Variants in SYNPO2 observed in about 807,000 individuals in gnomAD.
SYNPO2 encodes the protein synaptopodin 2, also known as synaptopodin-2.
SYNPO2 carries 56 observed loss-of-function variants against 85.0 expected under a neutral mutation model. The ratio of observed to expected loss-of-function variants is 0.66; its 90% CI spans 0.53 to 0.82. SYNPO2 has a LOEUF of 0.82. SYNPO2 is among the 40% of genes least tolerant of loss of function. The pLI, the probability that SYNPO2 is intolerant of heterozygous loss-of-function variation, is 0.00. For missense variants in SYNPO2, 1,575 were observed against 1,534.2 expected (o/e 1.03, Z -0.44); for synonymous variants, 602 against 591.1 (o/e 1.02, Z -0.27).
intron 1 of SYNPO2, among the ~76,000 whole-genome samples, chr4:118,890,862 G>C (rs1732354301): frequency 6.6e-6 from 1 of 152,034 alleles, no homozygotes; most frequent in African/African-American, 2.4e-5. Context: ...CTACGATCCT[G>C]ATAGTGTACA....
chr4:119,023,628 G>C (rs750659679), intron 2 of SYNPO2, 47 bp downstream of exon 2: 3 of 1,579,574 alleles, frequency 1.9e-6, no homozygotes, highest in Non-Finnish European at 2.6e-6. Flanking sequence ...AAGCTACATG[G>C]GAATGATTAT....
At chr4:118,921,177 T>C (rs745735657) in intron 1 of SYNPO2, among the ~76,000 whole-genome samples, 4 of 152,090 alleles carry the variant, frequency 2.6e-5, no homozygotes, top group Non-Finnish European at 5.9e-5. Flanking sequence ...AAAGTGCTGA[T>C]ATCACAGGTG....
In SYNPO2 at chr4:118,930,967, C is replaced by A. The variant is rs995432534; in HGVS notation, c.105+41826C>A. 4.0e-5 allele frequency among the ~76,000 whole-genome samples: 6 copies of A among 151,118 alleles called. No individual in the cohort carries two copies. In the South Asian group the frequency reaches 1.3e-3, roughly 32 times the overall value. ...AAGTATCTTGAGGAGAGGGAAATATCTCACTTGTGAATTCTTTACCCACAG... is the reference window on the plus strand; with the variant it reads ...AAGTATCTTGAGGAGAGGGAAATATATCACTTGTGAATTCTTTACCCACAG... On this transcript the variant is annotated intron_variant, in intron 1 of 4. Transcript: ENST00000307142.
upstream of SYNPO2, among the ~76,000 whole-genome samples, chr4:118,886,441 C>A (rs971968557): frequency 3.3e-5 from 5 of 152,226 alleles, no homozygotes; most frequent in African/African-American, 1.2e-4. Context: ...TGTGATGTTT[C>A]CCTCCCTGTG....
At chr4:118,853,829 A>G (rs1345610998) in intron 1 of SYNPO2, among the ~76,000 whole-genome samples, 2 of 152,190 alleles carry the variant, frequency 1.3e-5, no homozygotes, top group Non-Finnish European at 2.9e-5. Context: ...TAGCAGTGTC[A>G]TGGGGAAATG....
intron 1 of SYNPO2, among the ~76,000 whole-genome samples, chr4:118,940,134 C>T (rs912197277): frequency 6.6e-6 from 1 of 151,834 alleles, no homozygotes; most frequent in Non-Finnish European, 1.5e-5. Flanking sequence ...CACAGGTACA[C>T]GCCACCAAGC....
chr4:118,973,777 G>A (rs1735626324), intron 1 of SYNPO2, among the ~76,000 whole-genome samples: 1 of 151,872 alleles, frequency 6.6e-6, no homozygotes, highest in Admixed American at 6.6e-5. Flanking sequence ...ATTAGTATCA[G>A]AACTAAAAGA....
chr4:119,003,311 T>A (rs1468492676), intron 1 of SYNPO2, among the ~76,000 whole-genome samples: 1 of 151,996 alleles, frequency 6.6e-6, no homozygotes, highest in African/African-American at 2.4e-5. Context: ...AACCATCAGA[T>A]CTCATGAGAA....
At chr4:118,894,097 A>T (rs1020169558) in intron 1 of SYNPO2, among the ~76,000 whole-genome samples, 1 of 151,534 alleles carries the variant, frequency 6.6e-6, no homozygotes, top group Non-Finnish European at 1.5e-5. Context: ...CAATCATCTA[A>T]GATTCTTTAC....
At chr4:118,890,733 C>CTCTCTCTGTGTGTGTG (rs749295331) in intron 1 of SYNPO2, among the ~76,000 whole-genome samples, 1 of 126,150 alleles carries the variant, frequency 7.9e-6, no homozygotes, top group African/African-American at 3.0e-5. Flanking sequence ...CTCTCTCTCT[C>CTCTCTCTGTGTGTGTG]TGTGTGTGTG....
chr4:118,876,518 G>A (rs981356117), intron 1 of SYNPO2, among the ~76,000 whole-genome samples: 1 of 152,092 alleles, frequency 6.6e-6, no homozygotes. Context: ...TGCCAAGGAG[G>A]CATCTTTCCT....
At chr4:118,856,750 G>A (rs547638382) in intron 1 of SYNPO2, among the ~76,000 whole-genome samples, 5 of 152,022 alleles carry the variant, frequency 3.3e-5, no homozygotes, top group African/African-American at 4.8e-5. Flanking sequence ...GGGCTCAAGC[G>A]ATCTGCTTGC....
rs1309259362 is a variant in SYNPO2 at position 119,030,528 on chromosome 4, A to G, written c.1753A>G (p.Met585Val). The stretch of plus-strand genomic sequence containing the variant: ...AGCAAACATCCAGAGGATGGTCCCC[A>G]TGAATAGAACGGCCAAACCCTTCCC... ...ETANIQRMVP[M>V]NRTAKPFPGS... The change falls in exon 4 of 5, where the codon ATG (methionine) becomes GTG (valine). Residue 585 changes from methionine to valine, a missense_variant. By Grantham distance (21) the Met-to-Val change is conservative. Around this residue, in one of 3 missense-constraint regions of SYNPO2, gnomAD observed 1,508 missense variants for 1,446.8 expected, o/e 1.04. Coordinates refer to ENST00000307142, the MANE Select transcript of SYNPO2 (RefSeq NM_133477.3). 6.8e-6 allele frequency: 11 copies of G among 1,614,074 alleles called. No homozygotes were observed. In the East Asian group the frequency reaches 1.3e-4, roughly 20 times the overall value.
chr4:119,023,757 C>T (rs1304547306), intron 2 of SYNPO2, among the ~76,000 whole-genome samples, 176 bp downstream of exon 2: 1 of 152,114 alleles, frequency 6.6e-6, no homozygotes, highest in Non-Finnish European at 1.5e-5. Context: ...TCTAGTCAAC[C>T]AAACTTTCTG....
In SYNPO2 at chr4:119,026,606, G is replaced by GAT. The variant is rs757805899; in HGVS notation, c.258-20_258-19insTA. On this transcript the variant is annotated intron_variant, in intron 2 of 4. Coordinates refer to ENST00000307142, the MANE Select transcript of SYNPO2 (RefSeq NM_133477.3). ...TAACATAGTCTGATTTAAGTGTCTG[G>GAT]AATGATTTTTCTGTGTGCAGACCAT... 3.2e-6 allele frequency: 5 copies of GAT among 1,561,488 alleles called. No homozygotes were observed. The Admixed American group carries it at 7.7e-5, about 24-fold the overall frequency.
chr4:118,902,109 A>G (rs1241750659), intron 1 of SYNPO2, among the ~76,000 whole-genome samples: 1 of 152,182 alleles, frequency 6.6e-6, no homozygotes, highest in Non-Finnish European at 1.5e-5. Context: ...TTTCACAGTG[A>G]TAAAAATGAA....
At chr4:118,852,798 T>A (rs1731442466) in intron 1 of SYNPO2, among the ~76,000 whole-genome samples, 1 of 152,132 alleles carries the variant, frequency 6.6e-6, no homozygotes, top group Non-Finnish European at 1.5e-5. Context: ...GACAAAATAA[T>A]CTGTACAACA....
At chr4:118,977,453 G>A (rs1022970906) in intron 1 of SYNPO2, among the ~76,000 whole-genome samples, 1 of 152,238 alleles carries the variant, frequency 6.6e-6, no homozygotes, top group Non-Finnish European at 1.5e-5. Context: ...CCTGCAAGCT[G>A]AGGGAGTGGG....
At chr4:118,879,347 T>G (rs931232664) in intron 1 of SYNPO2, among the ~76,000 whole-genome samples, 1 of 152,166 alleles carries the variant, frequency 6.6e-6, no homozygotes, top group Non-Finnish European at 1.5e-5. Context: ...TGAACGTTTT[T>G]GTCTCCCCTG....
Sources: gnomAD v4.1 joint callset for allele counts (sites outside exome capture counted in the v4.1 genomes callset) on GRCh38, gnomAD v4.1.1 for gene constraint, gnomAD v4.1.1 regional missense constraint, MANE v1.5 for transcripts, NCBI Gene and HGNC (gene_info 2026-07-23, HGNC 2026-07-21) for gene names.